CDKL2: variants seen among roughly 807,000 people sequenced by gnomAD.
The protein encoded by CDKL2 is cyclin dependent kinase like 2.
CDKL2 carries 64 observed loss-of-function variants against 63.9 expected under a neutral mutation model. The observed-to-expected ratio is 1.00, with a 90% CI of 0.82 to 1.23. The LOEUF (loss-of-function observed/expected upper bound fraction) is 1.23, where lower values mean the gene tolerates loss of function less well. Among genes scored for constraint, CDKL2 ranks in the 50% most tolerant of loss-of-function variants. The pLI is 0.00. For synonymous variants in CDKL2, 211 were observed against 229.2 expected, an observed-to-expected ratio of 0.92 and a Z score of 0.72; for missense variants, 656 against 668.0, an observed-to-expected ratio of 0.98 and a Z score of 0.20.
At chr4:75,626,457 G>A (rs1730414838) in intron 1 of CDKL2, among the ~76,000 whole-genome samples, 1 of 152,106 alleles carries the variant, frequency 6.6e-6, no homozygotes, top group South Asian at 2.1e-4. Context: ...ACAAGGTCGG[G>A]AGATTGAGAC....
At chr4:75,590,166 C>G (rs1002092812) in intron 12 of CDKL2, among the ~76,000 whole-genome samples, 3 of 151,458 alleles carry the variant, frequency 2.0e-5, no homozygotes, top group African/African-American at 7.3e-5. Context: ...AACCCTGTCT[C>G]AAAAAAAAGA....
In CDKL2 at chr4:75,607,182, C is replaced by T. The variant is rs769789848; in HGVS notation, c.542+1G>A. ...ACTCCTCCCCATTACTGATGTCTTA[C>T]TTGCCATACTTGACATCACCAACCA... On this transcript the variant is annotated splice_donor_variant, in intron 4 of 13. Transcript: ENST00000307465. LOFTEE classifies it high-confidence loss of function. 1.9e-6 allele frequency: 3 copies of T among 1,603,082 alleles called. No individual in the cohort carries two copies. Among genetic ancestry groups the T allele is most frequent in the South Asian group, 1.1e-5 (1 of 89,858 alleles).
chr4:75,584,404 C>T (rs540852148), intron 12 of CDKL2, among the ~76,000 whole-genome samples: 1 of 152,140 alleles, frequency 6.6e-6, no homozygotes, highest in Non-Finnish European at 1.5e-5. Flanking sequence ...TAAATTAGCC[C>T]AACAACCCAA....
At chr4:75,609,534 G>A (rs1426830946) in intron 3 of CDKL2, among the ~76,000 whole-genome samples, 3 of 151,226 alleles carry the variant, frequency 2.0e-5, no homozygotes, top group Non-Finnish European at 4.4e-5. Context: ...GAACCTAGGA[G>A]GGGGAAGGTT....
intron 7 of CDKL2, 108 bp from the exon 8 acceptor site, chr4:75,598,320 G>A: frequency 1.7e-6 from 1 of 585,016 alleles, no homozygotes; most frequent in East Asian, 3.6e-5. Context: ...ACTAGTCTAT[G>A]TTATTAAAAA....
At chr4:75,585,553 G>A (rs770309984) in intron 12 of CDKL2, among the ~76,000 whole-genome samples, 5 of 151,982 alleles carry the variant, frequency 3.3e-5, no homozygotes, top group Non-Finnish European at 7.4e-5. Context: ...TGATCATGCC[G>A]CTGCACTCCA....
intron 4 of CDKL2, among the ~76,000 whole-genome samples, chr4:75,605,942 T>C (rs986086735): frequency 2.0e-5 from 3 of 152,216 alleles, no homozygotes; most frequent in Admixed American, 1.3e-4. Flanking sequence ...CTCCCAATTT[T>C]ACATAAGTGA....
intron 12 of CDKL2, among the ~76,000 whole-genome samples, chr4:75,588,214 C>CA (rs35209743): frequency 0.066 from 5,279 of 80,468 alleles, 291 homozygotes; most frequent in African/African-American, 0.19. Flanking sequence ...AACTCAGTCT[C>CA]AAAAAAAAAA....
At chr4:75,625,670 A>G in intron 2 of CDKL2, 151 bp downstream of exon 2, 1 of 631,374 alleles carries the variant, frequency 1.6e-6, no homozygotes, top group Non-Finnish European at 2.7e-6. Context: ...AAATACACAG[A>G]AAGATATAGA....
chr4:75,592,285 T>A lies in CDKL2; in HGVS notation c.1417-16A>T. 6.6e-7 allele frequency: 1 copy of A among 1,509,388 alleles called. No homozygotes were observed. Among genetic ancestry groups the A allele is most frequent in the South Asian group, 1.3e-5 (1 of 78,504 alleles). The allele number at this position is 1,509,388 out of a possible 1,614,324, so 93.5% of individuals were successfully genotyped here. ...CACTAGAGACCTAATATCATCAACA[T>A]AGTCAACAAAAAAGAATTAGTTTCA... On this transcript the variant is annotated splice_polypyrimidine_tract_variant and intron_variant, in intron 10 of 13. Coordinates refer to ENST00000307465, the MANE Select transcript of CDKL2 (RefSeq NM_001330724.2).
Position 75,601,311 on chromosome 4 carries a change from T to C in CDKL2, c.796-942A>G, listed in dbSNP as rs1374731792. 2.6e-5 allele frequency among the ~76,000 whole-genome samples: 4 copies of C among 152,186 alleles called. No homozygotes were observed. The South Asian group carries it at 8.3e-4, about 31-fold the overall frequency. On this transcript the variant is annotated intron_variant, in intron 6 of 13. Transcript: ENST00000307465. ...ATCCTGTGCTTATCACTATGCTAGA[T>C]GCTTTACAAAGATTATTTTATTTTA...
intron 10 of CDKL2, 107 bp from the exon 11 acceptor site, chr4:75,592,376 G>T: frequency 1.1e-6 from 1 of 901,260 alleles, no homozygotes; most frequent in Non-Finnish European, 1.5e-6. Flanking sequence ...TGAAATTGAA[G>T]GTCTATAATA....
chr4:75,591,797 C>A (rs575884183), intron 12 of CDKL2, 22 bp downstream of exon 12: 1 of 1,468,242 alleles, frequency 6.8e-7, no homozygotes, highest in South Asian at 1.2e-5. Flanking sequence ...TTCTGTCCAT[C>A]CTATAAAGAG....
chr4:75,618,239 C>CTTTTTTTTTTTTT (rs56002333), intron 2 of CDKL2, among the ~76,000 whole-genome samples: 1 of 52,946 alleles, frequency 1.9e-5, no homozygotes. Flanking sequence ...ATTGAAAATT[C>CTTTTTTTTTTTTT]TTTTTTTTTT....
At position 75,591,922 on chromosome 4, in the gene CDKL2, C is replaced by G; in HGVS notation, c.1544G>C (p.Arg515Pro). The change falls in exon 12 of 14, where the codon CGA (arginine) becomes CCA (proline). Residue 515 changes from arginine (R) to proline (P), a missense_variant. Coordinates refer to ENST00000307465, the MANE Select transcript of CDKL2 (RefSeq NM_001330724.2). ...CTCTTTCTTTGTTAGCCTGGAATTT[C>G]GAGCTAGATAGAAATGACCATAAAC... ...PELRALGGIA[R>P]NSRLTKKESK... 6.5e-7 allele frequency: 1 copy of G among 1,534,368 alleles called. No homozygotes were observed. Among genetic ancestry groups the G allele is most frequent in the East Asian group, 2.4e-5 (1 of 40,882 alleles).
chr4:75,610,207 A>G lies in CDKL2; in HGVS notation c.364-2846T>C, dbSNP rs569988531. Among the ~76,000 whole-genome samples the G allele has an allele frequency of 4.0e-5, 6 of 151,702 alleles. No homozygotes were observed. In the South Asian group the frequency reaches 1.0e-3, roughly 26 times the overall value. On this transcript the variant is annotated intron_variant, in intron 3 of 13. Transcript: ENST00000307465. ...GACAGAGCGAGCCTCCATCTCAAAA[A>G]AAAAAAGAAAAAGAAAAAAAGAAAG...
intron 3 of CDKL2, among the ~76,000 whole-genome samples, chr4:75,607,677 T>G (rs902537812): frequency 6.6e-6 from 1 of 152,182 alleles, no homozygotes; most frequent in East Asian, 1.9e-4. Context: ...GGGAAATTTT[T>G]ATGAAAGGGG....
intron 3 of CDKL2, among the ~76,000 whole-genome samples, chr4:75,612,824 T>C (rs185462395): frequency 6.6e-6 from 1 of 152,348 alleles, no homozygotes. Flanking sequence ...AAATTAGGTT[T>C]CTCAAAATAG....
intron 2 of CDKL2, among the ~76,000 whole-genome samples, chr4:75,615,237 C>T (rs1219303913): frequency 1.3e-5 from 2 of 152,104 alleles, no homozygotes; most frequent in South Asian, 2.1e-4. Context: ...TAAATTCCTG[C>T]TAGCCTGGAA....
Sources: gnomAD v4.1 joint callset for allele counts (sites outside exome capture counted in the v4.1 genomes callset) on GRCh38, gnomAD v4.1.1 for gene constraint, MANE v1.5 for transcripts, NCBI Gene and HGNC (gene_info 2026-07-23, HGNC 2026-07-21) for gene names.